The following IFT80 variants were observed in gnomAD, a reference collection of about 807,000 sequenced individuals.
The protein encoded by IFT80 is intraflagellar transport protein 80 homolog.
A neutral mutation model predicts 107.9 loss-of-function variants in IFT80; 79 were observed. That is an observed-to-expected ratio of 0.73 (90% CI 0.61 to 0.88). The LOEUF (loss-of-function observed/expected upper bound fraction) is 0.88. Ranked by LOEUF, IFT80 falls within the 40% of genes least tolerant of loss-of-function variation. The pLI, the probability that IFT80 is intolerant of heterozygous loss-of-function variation, is 0.00. For synonymous variants in IFT80, 299 were observed against 300.9 expected, an observed-to-expected ratio of 0.99 and a Z score of 0.07; for missense variants, 797 against 914.2, an observed-to-expected ratio of 0.87 and a Z score of 1.65.
chr3:160,356,221 ATAAAT>A, intron 7 of IFT80, 71 bp from the exon 8 acceptor site: 10 of 1,249,894 alleles, frequency 8.0e-6, no homozygotes, highest in Non-Finnish European at 1.1e-5. Flanking sequence ...AGAAAAATAA[ATAAAT>A]AAAATAAAAA....
chr3:160,353,620 A>G lies in IFT80; in HGVS notation c.777+2393T>C, dbSNP rs1439091786. Among the ~76,000 whole-genome samples the G allele has an allele frequency of 2.6e-5, 4 of 152,202 alleles. No homozygotes were observed. In the East Asian group the frequency reaches 7.7e-4, roughly 29 times the overall value. On this transcript the variant is annotated intron_variant, in intron 8 of 19. Coordinates refer to ENST00000326448, the MANE Select transcript of IFT80 (RefSeq NM_020800.3). ...TTCCCCAACTTTGTCTCCTTGGAGA[A>G]CTACTAATTCTTCAAGGCTCTGCTC...
intron 13 of IFT80, among the ~76,000 whole-genome samples, chr3:160,282,874 A>G (rs1714796786): frequency 6.6e-6 from 1 of 152,200 alleles, no homozygotes. Flanking sequence ...GATATTCTGT[A>G]GGCTGAGAAA....
intron 19 of IFT80, 22 bp downstream of exon 19, chr3:160,268,391 T>C (rs1713516061): frequency 3.1e-6 from 5 of 1,588,470 alleles, no homozygotes; most frequent in Non-Finnish European, 4.3e-6. Context: ...TGTATTATTA[T>C]ACAAAATTGT....
At chr3:160,285,933 A>T in intron 12 of IFT80, 65 bp from the exon 13 acceptor site, 1 of 1,093,378 alleles carries the variant, frequency 9.1e-7, no homozygotes. Flanking sequence ...AAATTCAGTG[A>T]AACTATTATA....
intron 19 of IFT80, among the ~76,000 whole-genome samples, chr3:160,267,134 G>A (rs772595418): frequency 6.6e-6 from 1 of 152,162 alleles, no homozygotes; most frequent in Non-Finnish European, 1.5e-5. Context: ...TGTCGAAGTT[G>A]CACTGCTAAA....
chr3:160,300,907 T>C lies in IFT80; in HGVS notation c.1291A>G (p.Ile431Val). The C allele has an allele frequency of 1.9e-6, 3 of 1,608,420 alleles. No homozygotes were observed. The highest frequency in any genetic ancestry group is 1.7e-6 in the Non-Finnish European group (2 of 1,177,390). ...TVSLSNDTIA[I>V]RDKADEKIIF... The stretch of plus-strand genomic sequence containing the variant: ...CTTTTTTCATCAGCTTTGTCTCTTA[T>C]TGCTATGGTATCATTACTCAAAGAC... Residue 431 changes from isoleucine (I) to valine (V), a missense_variant, in exon 12 of 20, where the codon ATA becomes GTA. Physicochemically the swap from Ile to Val is conservative, Grantham distance 29. Transcript: ENST00000326448.
chr3:160,340,787 C>G (rs1262918707), intron 8 of IFT80, among the ~76,000 whole-genome samples: 2 of 152,126 alleles, frequency 1.3e-5, no homozygotes, highest in Non-Finnish European at 2.9e-5. Context: ...TCTGAAGGTC[C>G]CTACCCTTAA....
At chr3:160,327,774 A>G (rs1329391644) in intron 8 of IFT80, among the ~76,000 whole-genome samples, 1 of 152,188 alleles carries the variant, frequency 6.6e-6, no homozygotes, top group Non-Finnish European at 1.5e-5. Flanking sequence ...GGACATACGC[A>G]TAGGTACAGA....
At chr3:160,374,177 G>A (rs911003324) in intron 5 of IFT80, among the ~76,000 whole-genome samples, 1 of 152,078 alleles carries the variant, frequency 6.6e-6, no homozygotes, top group Non-Finnish European at 1.5e-5. Context: ...CTGGCACAGT[G>A]GCTCACACCT....
intron 9 of IFT80, among the ~76,000 whole-genome samples, chr3:160,311,344 A>C (rs73875254): frequency 5.3e-5 from 8 of 152,238 alleles, no homozygotes; most frequent in Non-Finnish European, 1.2e-4. Flanking sequence ...TGATAAAAAC[A>C]AACCAACTAG....
rs1003489054 is a variant in IFT80 at position 160,300,831 on chromosome 3, T to C, written c.1315+52A>G. 9.3e-6 allele frequency: 13 copies of C among 1,396,150 alleles called. No individual in the cohort carries two copies. The African/African-American group carries it at 1.4e-4, about 16-fold the overall frequency. The allele number at this position is 1,396,150 out of a possible 1,614,324, so 86.5% of individuals were successfully genotyped here. A position where few individuals can be genotyped will look rare whatever the true frequency, so the allele number is the denominator to read the frequency against. On this transcript the variant is annotated intron_variant, in intron 12 of 19. Transcript: ENST00000326448. ...TGTAAGTTAATTTGTGAAAATTTTA[T>C]AGTGTTAACAAATTTCATATTTGAC... is the stretch of plus-strand genomic sequence containing the variant.
chr3:160,370,071 A>T (rs1198410169), intron 5 of IFT80, among the ~76,000 whole-genome samples: 1 of 152,094 alleles, frequency 6.6e-6, no homozygotes, highest in Non-Finnish European at 1.5e-5. Context: ...ATGTATTTCA[A>T]TTGTTTTAAG....
At chr3:160,308,565 A>C (rs1389816457) in intron 9 of IFT80, among the ~76,000 whole-genome samples, 3 of 152,182 alleles carry the variant, frequency 2.0e-5, no homozygotes, top group Non-Finnish European at 4.4e-5. Context: ...TTAAGAGGAA[A>C]AATATAGGGG....
At chr3:160,322,490 C>A (rs747239103) in intron 8 of IFT80, among the ~76,000 whole-genome samples, 2 of 151,904 alleles carry the variant, frequency 1.3e-5, no homozygotes, top group South Asian at 2.1e-4. Context: ...GTGCTACAAT[C>A]AATATACGTG....
chr3:160,370,185 T>A (rs1339258867), intron 5 of IFT80, among the ~76,000 whole-genome samples: 1 of 152,164 alleles, frequency 6.6e-6, no homozygotes, highest in Non-Finnish European at 1.5e-5. Context: ...TGAAACAAAC[T>A]GTTCACTACT....
At chr3:160,373,583 G>C (rs1177221236) in intron 5 of IFT80, 1 of 160,072 alleles carries the variant, frequency 6.2e-6, no homozygotes, top group African/African-American at 2.4e-5. Flanking sequence ...TTATTACATT[G>C]TAATATATAA....
At chr3:160,262,470 C>T (rs1009429868) in intron 19 of IFT80, among the ~76,000 whole-genome samples, 2 of 148,514 alleles carry the variant, frequency 1.3e-5, no homozygotes. Context: ...CAGGTGTATG[C>T]TACCACACCT....
chr3:160,359,428 G>A (rs1338152214), intron 6 of IFT80, among the ~76,000 whole-genome samples: 1 of 152,140 alleles, frequency 6.6e-6, no homozygotes, highest in Non-Finnish European at 1.5e-5. Context: ...CAGTGTGATC[G>A]ACACAGAAGA....
At position 160,290,392 on chromosome 3, in the gene IFT80, C is replaced by T. The variant is rs562955649; in HGVS notation, c.1316-4524G>A. ...CACTGCACTCCGGCCTGGGCAACAG[C>T]GCGAGACTGTCTCAAAAACAGAAAA... On this transcript the variant is annotated intron_variant, in intron 12 of 19. Coordinates refer to ENST00000326448, the MANE Select transcript of IFT80 (RefSeq NM_020800.3). Among the ~76,000 whole-genome samples the T allele has an allele frequency of 1.9e-4, 27 of 141,110 alleles. No homozygotes were observed. The South Asian group carries it at 4.9e-3, about 26-fold the overall frequency. 92.6% of individuals were successfully genotyped at this position (141,110 alleles called of 152,430 possible). A position where few individuals can be genotyped will look rare whatever the true frequency, so the allele number is the denominator to read the frequency against.
Sources: allele counts gnomAD v4.1 joint callset (sites outside exome capture counted in the v4.1 genomes callset), GRCh38; gene constraint gnomAD v4.1.1; transcripts MANE v1.5; gene names NCBI Gene and HGNC (gene_info 2026-07-23, HGNC 2026-07-21).